Variants in DIAPH3 observed in about 807,000 individuals in gnomAD.
The protein encoded by DIAPH3 is diaphanous related formin 3.
In DIAPH3, 117 loss-of-function variants were observed where a neutral mutation model predicts 144.3. The observed-to-expected ratio is 0.81, with a 90% CI of 0.70 to 0.95. The LOEUF is 0.95. Ranked by LOEUF, DIAPH3 falls within the 40% of genes least tolerant of loss-of-function variation. DIAPH3 has a pLI of 0.00. For missense variants in DIAPH3, 1,421 were observed against 1,412.7 expected, an observed-to-expected ratio of 1.01 and a Z score of -0.09; for synonymous variants, 519 against 488.9, an observed-to-expected ratio of 1.06 and a Z score of -0.81.
chr13:60,157,357 T>C (rs764148499), intron 1 of DIAPH3, among the ~76,000 whole-genome samples: 1 of 152,226 alleles, frequency 6.6e-6, no homozygotes, highest in African/African-American at 2.4e-5. Context: ...ATCCTGACTA[T>C]GGCCAAAGGC....
intron 7 of DIAPH3, among the ~76,000 whole-genome samples, chr13:60,014,560 TATAA>T (rs1183353553): frequency 3.3e-5 from 5 of 152,018 alleles, no homozygotes; most frequent in Non-Finnish European, 5.9e-5. Context: ...AATTAGAAAA[TATAA>T]ATATTTGCTA....
chr13:60,046,785 T>C (rs1594501769), intron 4 of DIAPH3, among the ~76,000 whole-genome samples: 1 of 152,094 alleles, frequency 6.6e-6, no homozygotes, highest in Non-Finnish European at 1.5e-5. Flanking sequence ...TGGAATACTA[T>C]GCAGCCATAA....
At chr13:60,131,967 G>A (rs1480328179) in intron 2 of DIAPH3, among the ~76,000 whole-genome samples, 1 of 152,122 alleles carries the variant, frequency 6.6e-6, no homozygotes, top group African/African-American at 2.4e-5. Context: ...CCTCAATATT[G>A]TCAACTGTAA....
At chr13:60,069,461 G>A (rs952880599) in intron 4 of DIAPH3, among the ~76,000 whole-genome samples, 1 of 152,106 alleles carries the variant, frequency 6.6e-6, no homozygotes, top group South Asian at 2.1e-4. Context: ...CTTTTGCTGT[G>A]AGGGTGCTCT....
intron 5 of DIAPH3, among the ~76,000 whole-genome samples, chr13:60,028,343 G>T (rs1055412138): frequency 6.6e-6 from 1 of 151,222 alleles, no homozygotes; most frequent in African/African-American, 2.4e-5. Context: ...CTAAAAGGAC[G>T]CCAACAACCT....
At chr13:59,991,748 A>C (rs1248200733) in intron 11 of DIAPH3, among the ~76,000 whole-genome samples, 1 of 151,970 alleles carries the variant, frequency 6.6e-6, no homozygotes, top group Non-Finnish European at 1.5e-5. Context: ...GCAGCCAGTG[A>C]CTAAGGCTGC....
At chr13:59,889,960 C>G (rs1593849499) in intron 20 of DIAPH3, among the ~76,000 whole-genome samples, 1 of 152,034 alleles carries the variant, frequency 6.6e-6, no homozygotes, top group South Asian at 2.1e-4. Context: ...AGGGTGTGGC[C>G]CTACTTCCTA....
At chr13:59,995,008 A>T (rs2052101676) in intron 9 of DIAPH3, among the ~76,000 whole-genome samples, 1 of 151,836 alleles carries the variant, frequency 6.6e-6, no homozygotes, top group African/African-American at 2.4e-5. Context: ...ATATGAAGAA[A>T]AATTGATAGA....
intron 4 of DIAPH3, among the ~76,000 whole-genome samples, chr13:60,078,596 G>A (rs1463238385): frequency 6.6e-6 from 1 of 151,706 alleles, no homozygotes; most frequent in Non-Finnish European, 1.5e-5. Context: ...ACTAATAAAA[G>A]GAATTATGTC....
intron 4 of DIAPH3, among the ~76,000 whole-genome samples, chr13:60,071,595 C>T (rs566633372): frequency 6.6e-6 from 1 of 152,216 alleles, no homozygotes; most frequent in Non-Finnish European, 1.5e-5. Context: ...TCCTTCAATG[C>T]TTCTTCCAAA....
intron 3 of DIAPH3, among the ~76,000 whole-genome samples, chr13:60,107,418 G>A (rs573137201): frequency 6.6e-6 from 1 of 151,974 alleles, no homozygotes; most frequent in Non-Finnish European, 1.5e-5. Flanking sequence ...TTTATATTAT[G>A]TTCTATACTT....
In DIAPH3 at chr13:59,861,671, A is replaced by G; in HGVS notation, c.2608-135T>C. 3.0e-6 allele frequency: 3 copies of G among 996,022 alleles called. No homozygotes were observed. In the South Asian group the frequency reaches 4.8e-5, roughly 16 times the overall value. The allele number at this position is 996,022 out of a possible 1,614,324, so 61.7% of individuals were successfully genotyped here. A position where few individuals can be genotyped will look rare whatever the true frequency, so the allele number is the denominator to read the frequency against. ...AATTAGTTGATTTCGTTTTTGAAAA[A>G]CAAATATTTAAATACTCGAAAAACT... On this transcript the variant is annotated intron_variant, in intron 21 of 27. Coordinates refer to ENST00000400324, the MANE Select transcript of DIAPH3 (RefSeq NM_001042517.2).
intron 27 of DIAPH3, among the ~76,000 whole-genome samples, chr13:59,670,830 G>A (rs182200118): frequency 0.011 from 1,735 of 152,116 alleles, 15 homozygotes; most frequent in Middle Eastern, 0.017. Flanking sequence ...TGATCCGCCC[G>A]CCTTGGCCTC....
chr13:60,054,264 T>C (rs1248043072), intron 4 of DIAPH3, among the ~76,000 whole-genome samples: 3 of 152,058 alleles, frequency 2.0e-5, no homozygotes, highest in African/African-American at 7.2e-5. Flanking sequence ...ATCAGAGAAC[T>C]GTAAGAATAG....
intron 22 of DIAPH3, among the ~76,000 whole-genome samples, chr13:59,857,728 G>A (rs1040687081): frequency 6.6e-6 from 1 of 152,104 alleles, no homozygotes; most frequent in Non-Finnish European, 1.5e-5. Context: ...AAATTTAGGT[G>A]AGGTTCCCAG....
At chr13:59,759,086 C>T (rs2037436946) in intron 27 of DIAPH3, among the ~76,000 whole-genome samples, 1 of 151,882 alleles carries the variant, frequency 6.6e-6, no homozygotes. Context: ...GACACCACAT[C>T]CAGACCAGTG....
At chr13:59,982,538 T>A (rs186814873) in intron 13 of DIAPH3, among the ~76,000 whole-genome samples, 1 of 151,530 alleles carries the variant, frequency 6.6e-6, no homozygotes, top group African/African-American at 2.4e-5. Context: ...TCAGATAATA[T>A]ACGAAAAGAA....
At chr13:59,705,086 T>C (rs2034339373) in intron 27 of DIAPH3, among the ~76,000 whole-genome samples, 1 of 152,180 alleles carries the variant, frequency 6.6e-6, no homozygotes, top group Non-Finnish European at 1.5e-5. Context: ...CAGAATTTTT[T>C]TTACCATAAT....
At chr13:59,897,331 A>G (rs952026411) in intron 20 of DIAPH3, among the ~76,000 whole-genome samples, 1 of 152,280 alleles carries the variant, frequency 6.6e-6, no homozygotes, top group Non-Finnish European at 1.5e-5. Context: ...GAGGTTGTCT[A>G]TATCACAAAG....
Sources: gnomAD v4.1 joint callset for allele counts (sites outside exome capture counted in the v4.1 genomes callset) on GRCh38, gnomAD v4.1.1 for gene constraint, MANE v1.5 for transcripts, NCBI Gene and HGNC (gene_info 2026-07-23, HGNC 2026-07-21) for gene names.